Variants in PDS5B observed in about 807,000 individuals in gnomAD.
PDS5B encodes PDS5 cohesin associated factor B.
Under a neutral mutation model 184.1 loss-of-function variants are expected in PDS5B, and 51 were observed. The ratio of observed to expected loss-of-function variants is 0.28; its 90% CI spans 0.22 to 0.35. The LOEUF (loss-of-function observed/expected upper bound fraction) is 0.35, where lower values mean the gene tolerates loss of function less well. Ranked by LOEUF, PDS5B falls within the 10% of genes least tolerant of loss-of-function variation. The probability of loss-of-function intolerance (pLI) is 1.00; values close to 1 mark genes in which losing one functional copy is unlikely to be tolerated. For missense variants in PDS5B, 1,180 were observed against 1,723.3 expected (o/e 0.68, Z 5.58); for synonymous variants, 566 against 569.2 (o/e 0.99, Z 0.08).
Position 32,587,143 on chromosome 13 carries a change from C to A in PDS5B, c.-20+550C>A, listed in dbSNP as rs913414930. Among the ~76,000 whole-genome samples, 357 of 148,034 alleles carry A rather than the reference C, an allele frequency of 2.4e-3. 1 individual carries two copies. The highest frequency in any genetic ancestry group is 7.9e-3 in the African/African-American group (326 of 41,046). ...TTCCGGGCGAGGGGCGGGCGGGGAC[C>A]GCGGGTCGGGGCCGCGGGCGCTCTC... On this transcript the variant is annotated intron_variant, in intron 1 of 34. Coordinates refer to ENST00000315596, the MANE Select transcript of PDS5B (RefSeq NM_015032.4).
intron 7 of PDS5B, 49 bp from the exon 8 acceptor site, chr13:32,673,167 C>T (rs749684943): frequency 6.6e-6 from 10 of 1,520,584 alleles, no homozygotes; most frequent in Non-Finnish European, 8.1e-6. Context: ...AAACATTCAA[C>T]TTGTCTCTGG....
chr13:32,702,300 A>G (rs552470922), intron 17 of PDS5B, among the ~76,000 whole-genome samples: 1 of 152,222 alleles, frequency 6.6e-6, no homozygotes, highest in South Asian at 2.1e-4. Flanking sequence ...CTCCTCTTGT[A>G]TCGGTTTTCA....
rs201871705 is a variant in PDS5B at position 32,732,240 on chromosome 13, T to A, written c.2247+16T>A. 203 of 1,578,382 alleles carry A rather than the reference T, an allele frequency of 1.3e-4. 1 individual carries two copies. The Admixed American group carries it at 3.5e-3, about 27-fold the overall frequency. ...GATATTTGAGGTAATGAGAAAAAAA[T>A]TTTCTTGTTTATTTCATATGTCATA... On this transcript the variant is annotated intron_variant, in intron 20 of 34. Transcript: ENST00000315596.
chr13:32,768,800 A>AG (rs1210128086), intron 31 of PDS5B, among the ~76,000 whole-genome samples: 1 of 54,530 alleles, frequency 1.8e-5, no homozygotes, highest in African/African-American at 5.7e-5. Flanking sequence ...CTCAAAAAAA[A>AG]AAAAAAGAAA....
intron 1 of PDS5B, among the ~76,000 whole-genome samples, chr13:32,624,212 A>G (rs1213948069): frequency 8.6e-5 from 13 of 152,004 alleles, no homozygotes. Flanking sequence ...TATACATGCT[A>G]TTATGTATTT....
chr13:32,727,713 T>C (rs1952960228), intron 19 of PDS5B, among the ~76,000 whole-genome samples: 1 of 152,118 alleles, frequency 6.6e-6, no homozygotes, highest in South Asian at 2.1e-4. Flanking sequence ...GATTTTTCTG[T>C]TTTTCACTAA....
At chr13:32,628,935 C>G (rs1453444929) in intron 1 of PDS5B, among the ~76,000 whole-genome samples, 1 of 151,936 alleles carries the variant, frequency 6.6e-6, no homozygotes, top group Non-Finnish European at 1.5e-5. Context: ...CATTTTTATT[C>G]CTGTGAGAAT....
intron 1 of PDS5B, among the ~76,000 whole-genome samples, chr13:32,644,910 T>C (rs1430764980): frequency 6.6e-6 from 1 of 152,232 alleles, no homozygotes; most frequent in Non-Finnish European, 1.5e-5. Context: ...TAAACACTTA[T>C]GAATATATTG....
chr13:32,729,196 G>A (rs1953016505), intron 19 of PDS5B, among the ~76,000 whole-genome samples: 1 of 152,038 alleles, frequency 6.6e-6, no homozygotes, highest in African/African-American at 2.4e-5. Context: ...AACATGTGTT[G>A]TTTGGTTTTC....
chr13:32,741,293 A>G, intron 22 of PDS5B, 145 bp downstream of exon 22: 1 of 508,450 alleles, frequency 2.0e-6, no homozygotes, highest in Admixed American at 3.9e-5. Context: ...GTGCTGTGAG[A>G]CTATAGGGTA....
At chr13:32,615,294 T>C (rs920485187) in intron 1 of PDS5B, among the ~76,000 whole-genome samples, 2 of 152,220 alleles carry the variant, frequency 1.3e-5, no homozygotes, top group African/African-American at 4.8e-5. Context: ...CCTGGTACTT[T>C]TGTTATGAAA....
At chr13:32,632,974 G>A (rs944427139) in intron 1 of PDS5B, among the ~76,000 whole-genome samples, 2 of 152,142 alleles carry the variant, frequency 1.3e-5, no homozygotes, top group Non-Finnish European at 2.9e-5. Flanking sequence ...GGTGGCGCGC[G>A]CCTGTGGTCC....
chr13:32,598,562 C>T (rs2057917307), intron 1 of PDS5B, among the ~76,000 whole-genome samples: 1 of 151,966 alleles, frequency 6.6e-6, no homozygotes, highest in Non-Finnish European at 1.5e-5. Flanking sequence ...CCTCAAATTC[C>T]TGGGCTCAAG....
intron 31 of PDS5B, among the ~76,000 whole-genome samples, chr13:32,768,798 AAAAAAAAAG>A (rs1488692598): frequency 0.012 from 601 of 49,766 alleles, 18 homozygotes; most frequent in African/African-American, 0.018. Context: ...GTCTCAAAAA[AAAAAAAAAG>A]AAAAAAAAAA....
intron 1 of PDS5B, among the ~76,000 whole-genome samples, chr13:32,642,441 C>T (rs1449385328): frequency 6.6e-6 from 1 of 152,100 alleles, no homozygotes; most frequent in African/African-American, 2.4e-5. Flanking sequence ...CAAAGTGTGA[C>T]TAGCTGTAGG....
intron 1 of PDS5B, among the ~76,000 whole-genome samples, chr13:32,626,413 G>A (rs960578526): frequency 3.3e-5 from 5 of 152,176 alleles, no homozygotes; most frequent in South Asian, 2.1e-4. Context: ...GAAAACCATT[G>A]TTAGATAATC....
chr13:32,679,551 G>C (rs917614972), intron 10 of PDS5B, among the ~76,000 whole-genome samples: 1 of 152,008 alleles, frequency 6.6e-6, no homozygotes, highest in Non-Finnish European at 1.5e-5. Flanking sequence ...CAGGAGAATT[G>C]CTTGAACCTG....
intron 1 of PDS5B, among the ~76,000 whole-genome samples, chr13:32,642,141 T>A (rs1950112206): frequency 6.6e-6 from 1 of 152,218 alleles, no homozygotes. Context: ...CCTCATTACT[T>A]CTTTCTTGGA....
At chr13:32,594,775 T>G (rs1441510964) in intron 1 of PDS5B, among the ~76,000 whole-genome samples, 1 of 152,232 alleles carries the variant, frequency 6.6e-6, no homozygotes, top group African/African-American at 2.4e-5. Flanking sequence ...TTGATGTTTC[T>G]AATCTGTTAT....
Sources: gnomAD v4.1 joint callset for allele counts (sites outside exome capture counted in the v4.1 genomes callset) on GRCh38, gnomAD v4.1.1 for gene constraint, MANE v1.5 for transcripts, NCBI Gene and HGNC (gene_info 2026-07-23, HGNC 2026-07-21) for gene names.